Variants in NOP14 observed in about 807,000 individuals in gnomAD.
NOP14 encodes the protein nucleolar protein 14.
NOP14 carries 57 observed loss-of-function variants against 101.6 expected under a neutral mutation model. That is an observed-to-expected ratio of 0.56 (90% CI 0.45 to 0.70). The LOEUF (loss-of-function observed/expected upper bound fraction) is 0.70. NOP14 is among the 30% of genes least tolerant of loss of function. NOP14 has a pLI of 0.00. For missense variants in NOP14, 1,134 were observed against 1,075.5 expected, an observed-to-expected ratio of 1.05 and a Z score of -0.76; for synonymous variants, 428 against 424.0, an observed-to-expected ratio of 1.01 and a Z score of -0.12.
At position 2,954,418 on chromosome 4, in the gene NOP14, A is replaced by AC. The variant is rs771723083; in HGVS notation, c.612+5dup. ...AGAAGATGATCAAGAACACTCACTAACCCACCTTCTCTTGTTTTGACTTGG... is the reference window on the plus strand; with the variant it reads ...AGAAGATGATCAAGAACACTCACTAACCCCACCTTCTCTTGTTTTGACTTGG... On this transcript the variant is annotated splice_donor_region_variant and intron_variant, in intron 4 of 17. Transcript: ENST00000416614. 112 of 1,613,770 alleles carry AC rather than the reference A, an allele frequency of 6.9e-5. No individual in the cohort carries two copies. Among genetic ancestry groups the AC allele is most frequent in the Non-Finnish European group, 9.1e-5 (107 of 1,179,880 alleles).
chr4:2,942,988 C>G (rs1714332768), intron 13 of NOP14, among the ~76,000 whole-genome samples: 1 of 152,206 alleles, frequency 6.6e-6, no homozygotes, highest in Admixed American at 6.5e-5. Context: ...CCGCCCCACA[C>G]TTCCCCAAAG....
intron 4 of NOP14, 60 bp downstream of exon 4, chr4:2,954,364 C>T: frequency 6.4e-7 from 1 of 1,571,374 alleles, no homozygotes; most frequent in Admixed American, 1.9e-5. Flanking sequence ...AAAGCTCAAA[C>T]ACATTTTGGT....
chr4:2,939,748 G>A, intron 15 of NOP14, 103 bp from the exon 16 acceptor site: 1 of 883,304 alleles, frequency 1.1e-6, no homozygotes, highest in Non-Finnish European at 1.9e-6. Flanking sequence ...GGACAGTGCT[G>A]CGAGCTCCCT....
intron 8 of NOP14, among the ~76,000 whole-genome samples, chr4:2,948,611 T>C (rs969992833): frequency 2.0e-5 from 3 of 152,096 alleles, no homozygotes; most frequent in Non-Finnish European, 4.4e-5. Context: ...CTCGCCACCA[T>C]GCCCGGCTAA....
At chr4:2,956,000 TG>T (rs1715324300) in intron 3 of NOP14, among the ~76,000 whole-genome samples, 1 of 152,240 alleles carries the variant, frequency 6.6e-6, no homozygotes, top group Admixed American at 6.5e-5. Flanking sequence ...CTGAAGATGC[TG>T]GAAATGGGAC....
chr4:2,952,224 G>C, intron 6 of NOP14, 51 bp downstream of exon 6: 1 of 1,597,802 alleles, frequency 6.3e-7, no homozygotes, highest in South Asian at 1.1e-5. Flanking sequence ...AGCAGAAGGG[G>C]CTGTGGACGG....
At chr4:2,954,294 A>G (rs1715204484) in intron 4 of NOP14, 130 bp downstream of exon 4, 2 of 1,081,534 alleles carry the variant, frequency 1.8e-6, no homozygotes, top group Non-Finnish European at 2.7e-6. Flanking sequence ...TACTCACAAT[A>G]AATGCTTTTA....
chr4:2,956,528 G>T, intron 3 of NOP14, 142 bp downstream of exon 3: 1 of 795,918 alleles, frequency 1.3e-6, no homozygotes, highest in East Asian at 2.8e-5. Flanking sequence ...TGTCACTTGT[G>T]AAATTTGTAG....
In NOP14 at chr4:2,963,184, G is replaced by A. The variant is rs199574576; in HGVS notation, c.136C>T (p.Arg46Trp). The A allele has an allele frequency of 1.3e-6, 2 of 1,580,722 alleles. No homozygotes were observed. Among genetic ancestry groups the A allele is most frequent in the African/African-American group, 1.4e-5 (1 of 71,156 alleles). The stretch of plus-strand genomic sequence containing the variant: ...AGTCCCACGTCGTGGCGCGTCTTCC[G>A]GCCCAGGATCTGGAACTTCTGCCTG... ...VNRQKFQILGRKTRHDVGLPG... is the reference protein window; with the variant it reads ...VNRQKFQILGWKTRHDVGLPG... Residue 46 changes from arginine to tryptophan, a missense_variant, in exon 1 of 18, where the codon CGG becomes TGG. Transcript: ENST00000416614.
rs752352317 is a variant in NOP14 at position 2,956,730 on chromosome 4, C to T, written c.412G>A (p.Glu138Lys). The change falls in exon 3 of 18, where the codon GAG becomes AAG. Residue 138 changes from glutamate (E) to lysine (K), a missense_variant. Physicochemically the swap from Glu to Lys is moderately conservative, Grantham distance 56 (BLOSUM62 1). Coordinates refer to ENST00000416614, the MANE Select transcript of NOP14 (RefSeq NM_001291978.2). The part of the protein sequence containing the change: ...THYGQSLADI[E>K]KHNDIVDSDS... ...CTGTCCACAATGTCATTATGCTTCT[C>T]GATGTCTGCCAAAGACTGGCCATAA... The T allele has an allele frequency of 1.4e-5, 22 of 1,613,550 alleles. No homozygotes were observed. Among genetic ancestry groups the T allele is most frequent in the Non-Finnish European group, 1.8e-5 (21 of 1,179,904 alleles).
At chr4:2,947,779 A>G in intron 9 of NOP14, 168 bp from the exon 10 acceptor site, 1 of 628,646 alleles carries the variant, frequency 1.6e-6, no homozygotes, top group Non-Finnish European at 2.8e-6. Context: ...ATACACTGCT[A>G]GAACTTGCTA....
chr4:2,939,545 G>A lies in NOP14; in HGVS notation c.2300C>T (p.Thr767Ile), dbSNP rs201983586. 3.1e-6 allele frequency: 5 copies of A among 1,613,860 alleles called. No homozygotes were observed. Among genetic ancestry groups the A allele is most frequent in the East Asian group, 2.2e-5 (1 of 44,888 alleles). The change falls in exon 16 of 18, where the codon ACA (threonine) becomes ATA (isoleucine). Residue 767 changes from threonine to isoleucine, a missense_variant. Coordinates refer to ENST00000416614, the MANE Select transcript of NOP14 (RefSeq NM_001291978.2). ...CACCCACACTTTGACCAGCCGGGGT[G>A]TGAAAAGCTTCAGTGGGACAGGCTT... ...KSKPVPLKLF[T>I]PRLVKVLEFG...
chr4:2,938,389 A>T lies in NOP14; in HGVS notation c.*442T>A, dbSNP rs188147750. On this transcript the variant is annotated 3_prime_UTR_variant, in exon 18 of 18. Coordinates refer to ENST00000416614, the MANE Select transcript of NOP14 (RefSeq NM_001291978.2). ...TACAAAATTAGCTGGGCGTGGTGGC[A>T]CATGTCTGTAATCCCAGCTACTCGG... is the stretch of plus-strand genomic sequence containing the variant. 1.5e-5 allele frequency: 6 copies of T among 392,450 alleles called. No homozygotes were observed. The highest frequency in any genetic ancestry group is 8.1e-5 in the East Asian group (1 of 12,340). 24.3% of individuals were successfully genotyped at this position (392,450 alleles called of 1,614,324 possible).
At chr4:2,953,177 G>A (rs924427637) in intron 5 of NOP14, among the ~76,000 whole-genome samples, 2 of 152,202 alleles carry the variant, frequency 1.3e-5, no homozygotes, top group Non-Finnish European at 2.9e-5. Flanking sequence ...GCAAAAATAA[G>A]TAAATGTATA....
chr4:2,951,221 C>T lies in NOP14; in HGVS notation c.895G>A (p.Gly299Arg), dbSNP rs2109306233. 6.2e-7 allele frequency: 1 copy of T among 1,613,826 alleles called. No homozygotes were observed. Among genetic ancestry groups the T allele is most frequent in the East Asian group, 2.2e-5 (1 of 44,884 alleles). Residue 299 changes from glycine to arginine, a missense_variant, in exon 7 of 18, where the codon GGA becomes AGA. Gly to Arg is a moderately radical substitution (Grantham distance 125). Transcript: ENST00000416614. ...LEAERLRRML[G>R]KDEDENVKKP... ...TTAACATTTTCATCCTCATCCTTTC[C>T]AAGCATTCTTCGAAGTCTCTCAGCC...
chr4:2,947,533 AC>A lies in NOP14; in HGVS notation c.1491del (p.Lys497AsnfsTer35). On this transcript the variant is annotated frameshift_variant, in exon 10 of 18. Coordinates refer to ENST00000416614, the MANE Select transcript of NOP14 (RefSeq NM_001291978.2). LOFTEE classifies it high-confidence loss of function. ...DDPPDLTVID[K>X]LVVHLYHLCQ... Reference sequence around the variant, plus strand: ...CACACCATTTTTACTTACACAACCAACTTATCAATGACTGTGAGGTCTGGTG... The same window carrying A: ...CACACCATTTTTACTTACACAACCAATTATCAATGACTGTGAGGTCTGGTG... 1 of 1,612,248 alleles carries A rather than the reference AC, an allele frequency of 6.2e-7. No individual in the cohort carries two copies. Among genetic ancestry groups the A allele is most frequent in the Non-Finnish European group, 8.5e-7 (1 of 1,178,322 alleles).
intron 1 of NOP14, among the ~76,000 whole-genome samples, chr4:2,962,289 C>A (rs1398260433): frequency 6.6e-6 from 1 of 152,164 alleles, no homozygotes; most frequent in Admixed American, 6.5e-5. Context: ...CACCCCGGCC[C>A]GGGGGTGTGT....
In NOP14 at chr4:2,954,466, T is replaced by C. The variant is rs1006083591; in HGVS notation, c.570A>G (p.Lys190=). The C allele has an allele frequency of 9.9e-6, 16 of 1,614,096 alleles. No homozygotes were observed. The highest frequency in any genetic ancestry group is 2.2e-5 in the South Asian group (2 of 91,088). The change falls in exon 4 of 18, where the codon AAA becomes AAG. Residue 190 remains lysine (K), a synonymous_variant. Coordinates refer to ENST00000416614, the MANE Select transcript of NOP14 (RefSeq NM_001291978.2). The stretch of plus-strand genomic sequence containing the variant: ...TGGCAATGAGCTCTTCAATCAGCTC[T>C]TTCCGGGACTTCGGTTTCTCCCGCT... ...GEEREKPKSR[K]ELIEELIAKS...
In NOP14 at chr4:2,956,700, T is replaced by C. The variant is rs1259458803; in HGVS notation, c.442A>G (p.Ser148Gly). 1.2e-6 allele frequency: 2 copies of C among 1,613,174 alleles called. No homozygotes were observed. Among genetic ancestry groups the C allele is most frequent in the African/African-American group, 2.7e-5 (2 of 74,878 alleles). ...AACGTTCCTCGATCCTCAGCATCGC[T>C]GTCACTGTCCACAATGTCATTATGC... ...EKHNDIVDSDSDAEDRGTLSA... is the reference protein window; with the variant it reads ...EKHNDIVDSDGDAEDRGTLSA... Residue 148 changes from serine (S) to glycine (G), a missense_variant, in exon 3 of 18, where the codon AGC becomes GGC. Physicochemically the swap from Ser to Gly is moderately conservative, Grantham distance 56. Transcript: ENST00000416614.
Sources: allele counts gnomAD v4.1 joint callset (sites outside exome capture counted in the v4.1 genomes callset), GRCh38; gene constraint gnomAD v4.1.1; transcripts MANE v1.5; gene names NCBI Gene and HGNC (gene_info 2026-07-23, HGNC 2026-07-21).